The following TSPAN1 variants were observed in gnomAD, a reference collection of about 807,000 sequenced individuals.
The protein encoded by TSPAN1 is tetraspanin-1.
Under a neutral mutation model 26.9 loss-of-function variants are expected in TSPAN1, and 23 were observed. The observed-to-expected ratio is 0.85, with a 90% CI of 0.62 to 1.21. The LOEUF (loss-of-function observed/expected upper bound fraction) is 1.21, where lower values mean the gene tolerates loss of function less well. Among genes scored for constraint, TSPAN1 ranks in the 50% most tolerant of loss-of-function variants. TSPAN1 has a pLI of 0.00. For synonymous variants in TSPAN1, 115 were observed against 114.8 expected (o/e 1.00, Z -0.01); for missense variants, 283 against 298.4 (o/e 0.95, Z 0.38).
chr1:46,184,496 C>A (rs1657381792), intron 4 of TSPAN1, 98 bp from the exon 5 acceptor site: 1 of 1,604,456 alleles, frequency 6.2e-7, no homozygotes, highest in Non-Finnish European at 8.5e-7. Context: ...CCCCCCTAGG[C>A]TCAGGCTTCT....
Position 46,185,667 on chromosome 1 carries a change from T to C in TSPAN1, c.*134T>C. 9.8e-7 allele frequency: 1 copy of C among 1,025,366 alleles called. No homozygotes were observed. The highest frequency in any genetic ancestry group is 1.5e-6 in the Non-Finnish European group (1 of 680,526). The allele number at this position is 1,025,366 out of a possible 1,614,324, so 63.5% of individuals were successfully genotyped here. A position where few individuals can be genotyped will look rare whatever the true frequency, so the allele number is the denominator to read the frequency against. The stretch of plus-strand genomic sequence containing the variant: ...GCCAGAATGGACCTGCCCTTTCTGC[T>C]CCAGACTTGGGGCTAGATAGGGACC... On this transcript the variant is annotated 3_prime_UTR_variant, in exon 9 of 9. Transcript: ENST00000372003.
the TSPAN1 span, chr1:46,195,607 AG>A: frequency 3.1e-6 from 2 of 644,654 alleles, no homozygotes; most frequent in Non-Finnish European, 5.7e-6. Flanking sequence ...TTGTATCTTC[AG>A]CACCCAGAGA....
chr1:46,188,886 C>T (rs1169610410), downstream of TSPAN1: 1 of 1,612,812 alleles, frequency 6.2e-7, no homozygotes, highest in Non-Finnish European at 8.5e-7. Flanking sequence ...CTCAGGGCAG[C>T]ATTCCAGCCC....
intron 3 of TSPAN1, 46 bp from the exon 4 acceptor site, chr1:46,184,145 T>C: frequency 6.2e-7 from 1 of 1,601,052 alleles, no homozygotes; most frequent in Admixed American, 1.7e-5. Flanking sequence ...GGTAGTAAGC[T>C]ACTTGCCAGC....
downstream of TSPAN1, chr1:46,189,993 C>T (rs1557669478): frequency 6.2e-7 from 1 of 1,613,640 alleles, no homozygotes; most frequent in Non-Finnish European, 8.5e-7. Context: ...AGCCTCACTG[C>T]AGTAGAGGGT....
At chr1:46,187,169 G>A (rs1225444519), downstream of TSPAN1, among the ~76,000 whole-genome samples, 3 of 152,158 alleles carry the variant, frequency 2.0e-5, no homozygotes, top group African/African-American at 7.2e-5. Flanking sequence ...ACTAGGGATC[G>A]GAAAGGCCAA....
chr1:46,186,669 T>G (rs1056844083), downstream of TSPAN1, among the ~76,000 whole-genome samples: 10 of 141,352 alleles, frequency 7.1e-5, no homozygotes, highest in Admixed American at 2.1e-4. Flanking sequence ...TTTGTGTTTT[T>G]TTTTTTTTTT....
the TSPAN1 span, chr1:46,193,971 A>G: frequency 6.2e-7 from 1 of 1,609,422 alleles, no homozygotes; most frequent in Non-Finnish European, 8.5e-7. Flanking sequence ...CCCCCTTCAA[A>G]CTGGGATCCC....
Position 46,175,305 on chromosome 1 carries a change from G to A in TSPAN1, c.-246G>A, listed in dbSNP as rs943972160. 7 of 318,314 alleles carry A rather than the reference G, an allele frequency of 2.2e-5. No homozygotes were observed. The Middle Eastern group carries it at 5.1e-3, about 234-fold the overall frequency. The allele number at this position is 318,314 out of a possible 1,614,324, so 19.7% of individuals were successfully genotyped here. ...GGCAAGAGAGCCCCTACTTCATGGG[G>A]CAGATCAAGAGCTGAGACCAAAGAT... On this transcript the variant is annotated 5_prime_UTR_variant, in exon 1 of 9. Coordinates refer to ENST00000372003, the MANE Select transcript of TSPAN1 (RefSeq NM_005727.4).
At chr1:46,192,536 G>C in the TSPAN1 span, 4 of 1,614,192 alleles carry the variant, frequency 2.5e-6, no homozygotes, top group Non-Finnish European at 3.4e-6. Flanking sequence ...TCCAGGCAGA[G>C]ATGCAGTACA....
downstream of TSPAN1, chr1:46,188,737 C>T (rs936298638): frequency 8.1e-6 from 13 of 1,607,258 alleles, no homozygotes; most frequent in Non-Finnish European, 1.1e-5. Flanking sequence ...CTTTGGAAAT[C>T]TGGACAAAGA....
At chr1:46,190,667 C>A, downstream of TSPAN1, 1 of 1,560,480 alleles carries the variant, frequency 6.4e-7, no homozygotes, top group Non-Finnish European at 8.8e-7. Flanking sequence ...CTTTCAGGGA[C>A]TGGCCTCCAA....
chr1:46,178,931 A>G (rs1242385856), intron 1 of TSPAN1, among the ~76,000 whole-genome samples: 3 of 152,220 alleles, frequency 2.0e-5, no homozygotes, highest in African/African-American at 4.8e-5. Context: ...GACATTTAAA[A>G]TAAGATCAGT....
intron 1 of TSPAN1, among the ~76,000 whole-genome samples, chr1:46,179,655 G>A (rs781741667): frequency 4.6e-5 from 7 of 152,188 alleles, no homozygotes; most frequent in Non-Finnish European, 8.8e-5. Flanking sequence ...GCCCCACTAG[G>A]AGTAACAAAG....
chr1:46,176,310 T>G, intron 1 of TSPAN1: 1 of 1,535,796 alleles, frequency 6.5e-7, no homozygotes, highest in East Asian at 2.4e-5. Context: ...GATTGATGGC[T>G]GCACTGCTGG....
chr1:46,191,354 T>G, the TSPAN1 span: 1 of 191,746 alleles, frequency 5.2e-6, no homozygotes, highest in Non-Finnish European at 1.1e-5. Flanking sequence ...GTCCTCTGAA[T>G]GCAGCCAGGT....
the TSPAN1 span, chr1:46,194,581 C>T: frequency 6.2e-7 from 1 of 1,614,232 alleles, no homozygotes; most frequent in Non-Finnish European, 8.5e-7. Context: ...GCACATCTGT[C>T]TTCAGCAGGA....
At chr1:46,190,245 C>T (rs1174687317), downstream of TSPAN1, 5 of 668,402 alleles carry the variant, frequency 7.5e-6, no homozygotes, top group African/African-American at 1.8e-5. Flanking sequence ...AGGGTTTCAC[C>T]GTGTTAGCCA....
intron 1 of TSPAN1, among the ~76,000 whole-genome samples, chr1:46,177,269 A>G (rs1411911929): frequency 6.6e-6 from 1 of 151,972 alleles, no homozygotes; most frequent in South Asian, 2.1e-4. Flanking sequence ...CAGGAGGTGG[A>G]GATTGCAGTG....
Sources: gnomAD v4.1 joint callset for allele counts (sites outside exome capture counted in the v4.1 genomes callset) on GRCh38, gnomAD v4.1.1 for gene constraint, MANE v1.5 for transcripts, NCBI Gene and HGNC (gene_info 2026-07-23, HGNC 2026-07-21) for gene names.